Variants in SETD4 observed in about 807,000 individuals in gnomAD.
SETD4 encodes SET domain containing 4.
In SETD4, 46 loss-of-function variants were observed where a neutral mutation model predicts 58.3. The observed-to-expected ratio is 0.79, with a 90% CI of 0.62 to 1.01. The LOEUF (loss-of-function observed/expected upper bound fraction) is 1.01, where lower values mean the gene tolerates loss of function less well. SETD4 is among the 50% of genes least tolerant of loss of function. The pLI is 0.00. For synonymous variants in SETD4, 190 were observed against 202.6 expected (o/e 0.94, Z 0.53); for missense variants, 490 against 523.3 (o/e 0.94, Z 0.62).
intron 3 of SETD4, among the ~76,000 whole-genome samples, chr21:36,056,106 C>T (rs2064969964): frequency 6.6e-6 from 1 of 152,076 alleles, no homozygotes; most frequent in Non-Finnish European, 1.5e-5. Flanking sequence ...TAGAAAATGG[C>T]TCAAATCAAG....
intron 4 of SETD4, among the ~76,000 whole-genome samples, chr21:36,052,592 G>GAAAAAA (rs375733735): frequency 7.2e-6 from 1 of 139,840 alleles, no homozygotes; most frequent in Admixed American, 7.1e-5. Context: ...TTTATCTACT[G>GAAAAAA]AAAAAAAAAA....
intron 6 of SETD4, among the ~76,000 whole-genome samples, chr21:36,045,182 G>T (rs1335545503): frequency 6.6e-6 from 1 of 152,146 alleles, no homozygotes; most frequent in Non-Finnish European, 1.5e-5. Context: ...GTCAGTCAGC[G>T]ATCAGAGCGA....
intron 10 of SETD4, 93 bp downstream of exon 10, chr21:36,038,051 AATGCTC>A: frequency 7.5e-7 from 1 of 1,338,792 alleles, no homozygotes; most frequent in South Asian, 1.5e-5. Flanking sequence ...GGCACTAAAC[AATGCTC>A]TTATGAAATG....
rs188752965 is a variant in SETD4, at chr21:36,048,104, G to A, written c.296+204C>T. 2.4e-3 allele frequency among the ~76,000 whole-genome samples: 359 copies of A among 149,394 alleles called. 3 individuals are homozygous for A. Among genetic ancestry groups the A allele is most frequent in the African/African-American group, 8.6e-3 (346 of 40,298 alleles). ...GGGAAGGAGGGAGGGAGGGAGGGAG[G>A]AAGGCAGGCAGGCAGGCAGGCAGGA... On this transcript the variant is annotated intron_variant, in intron 5 of 11. Transcript: ENST00000332131.
chr21:36,040,518 T>A, intron 9 of SETD4, 57 bp downstream of exon 9: 1 of 1,489,794 alleles, frequency 6.7e-7, no homozygotes. Context: ...AAACCAACCC[T>A]CCAAAGTTAT....
chr21:36,036,147 G>C lies in SETD4; in HGVS notation c.1293C>G (p.Thr431=), dbSNP rs2063769102. ...TAAAAGCTGTTTGCAAACTGTGCAG[G>C]GTCTCGGCAGATGCCCTGAGAATCT... is the stretch of plus-strand genomic sequence containing the variant. ...ELKILRASAE[T]LHSLQTAFT The change falls in exon 11 of 12, where the codon ACC becomes ACG. Residue 431 remains threonine, a synonymous_variant. Transcript: ENST00000332131. 7 of 1,613,996 alleles carry C rather than the reference G, an allele frequency of 4.3e-6. No individual in the cohort carries two copies. Among genetic ancestry groups the C allele is most frequent in the Non-Finnish European group, 5.9e-6 (7 of 1,180,012 alleles).
chr21:36,058,793 TG>T, intron 2 of SETD4, 22 bp downstream of exon 2: 1 of 1,573,686 alleles, frequency 6.4e-7, no homozygotes, highest in African/African-American at 1.4e-5. Context: ...TTTTCATTAC[TG>T]GTACTAAAAG....
chr21:36,042,741 A>C (rs188184706), intron 7 of SETD4: 6 of 152,320 alleles, frequency 3.9e-5, no homozygotes, highest in African/African-American at 1.4e-4. Context: ...TCAGTCTTCT[A>C]TGTACTTTTT....
intron 4 of SETD4, among the ~76,000 whole-genome samples, chr21:36,051,675 C>CT (rs945106212): frequency 1.3e-5 from 2 of 151,506 alleles, no homozygotes; most frequent in Admixed American, 6.6e-5. Context: ...GGAACAAATA[C>CT]TTTTTTTTTC....
In SETD4 at chr21:36,045,631, C is replaced by T. The variant is rs2064284045; in HGVS notation, c.677G>A (p.Cys226Tyr). 3 of 1,614,122 alleles carry T rather than the reference C, an allele frequency of 1.9e-6. No individual in the cohort carries two copies. The African/African-American group carries it at 4.0e-5, about 22-fold the overall frequency. The change falls in exon 6 of 12, where the codon TGT (cysteine) becomes TAT (tyrosine). Residue 226 changes from cysteine (C) to tyrosine (Y), a missense_variant. Cys to Tyr is a radical substitution (Grantham distance 194). Transcript: ENST00000332131. Reference sequence around the variant, plus strand: ...CAGGTCCAGGTACGGAGCGAGTGCACAGGTGTCCGGCTCTGCAGAAAGGCA... The same window carrying T: ...CAGGTCCAGGTACGGAGCGAGTGCATAGGTGTCCGGCTCTGCAGAAAGGCA... The part of the protein sequence containing the change: ...RECLSAEPDT[C>Y]ALAPYLDLLN...
chr21:36,057,041 G>A (rs2065018976), intron 3 of SETD4, 68 bp downstream of exon 3: 4 of 1,243,446 alleles, frequency 3.2e-6, no homozygotes, highest in Non-Finnish European at 4.7e-6. Context: ...CCACCTGCAA[G>A]AGTGGCCCCT....
Position 36,051,873 on chromosome 21 carries a change from G to A in SETD4, c.207+1710C>T, listed in dbSNP as rs140002201. Among the ~76,000 whole-genome samples the A allele has an allele frequency of 2.0e-5, 3 of 152,216 alleles. No individual in the cohort carries two copies. The East Asian group carries it at 5.8e-4, about 29-fold the overall frequency. ...CCTTATTAACTAGCAGCTTTAGTTT[G>A]TAGTTTATGAAATCTTGAGGGGCTC... On this transcript the variant is annotated intron_variant, in intron 4 of 11. Coordinates refer to ENST00000332131, the MANE Select transcript of SETD4 (RefSeq NM_017438.5).
chr21:36,040,802 A>G, intron 8 of SETD4, 147 bp from the exon 9 acceptor site: 1 of 654,540 alleles, frequency 1.5e-6, no homozygotes, highest in Non-Finnish European at 2.7e-6. Context: ...AGAGAAAATC[A>G]GTCTGCAAAT....
At chr21:36,048,821 G>A (rs910840110) in intron 4 of SETD4, among the ~76,000 whole-genome samples, 6 of 150,220 alleles carry the variant, frequency 4.0e-5, no homozygotes, top group Admixed American at 6.7e-5. Flanking sequence ...AGGTTCAAGC[G>A]ATTCTCCTGC....
chr21:36,044,090 G>A lies in SETD4; in HGVS notation c.727-134C>T, dbSNP rs2064190848. 4.6e-6 allele frequency: 5 copies of A among 1,083,272 alleles called. No homozygotes were observed. The East Asian group carries it at 1.3e-4, about 28-fold the overall frequency. 67.1% of individuals were successfully genotyped at this position (1,083,272 alleles called of 1,614,324 possible). Reference sequence around the variant, plus strand: ...CATCAATAAATGTAACTACGCATAGGGAAAATGCCACTTCCGGTTTCATCC... The same window carrying A: ...CATCAATAAATGTAACTACGCATAGAGAAAATGCCACTTCCGGTTTCATCC... On this transcript the variant is annotated intron_variant, in intron 6 of 11. Coordinates refer to ENST00000332131, the MANE Select transcript of SETD4 (RefSeq NM_017438.5).
intron 4 of SETD4, chr21:36,051,177 G>A (rs2123705880): frequency 1.3e-6 from 2 of 1,597,444 alleles, no homozygotes; most frequent in African/African-American, 2.7e-5. Context: ...CCTGCTCTCT[G>A]TGGTGTCCAC....
chr21:36,048,578 G>C (rs533448676), intron 4 of SETD4, among the ~76,000 whole-genome samples, 182 bp from the exon 5 acceptor site: 1 of 152,064 alleles, frequency 6.6e-6, no homozygotes, highest in Non-Finnish European at 1.5e-5. Context: ...AGATGCACAC[G>C]AGGCTGCTCC....
intron 10 of SETD4, among the ~76,000 whole-genome samples, chr21:36,037,734 A>G (rs2063851042): frequency 6.6e-6 from 1 of 150,544 alleles, no homozygotes; most frequent in East Asian, 2.0e-4. Flanking sequence ...CGCAGTGGAC[A>G]CTTGTAATCC....
intron 3 of SETD4, among the ~76,000 whole-genome samples, chr21:36,056,699 C>G (rs763172977): frequency 2.0e-5 from 3 of 152,100 alleles, no homozygotes; most frequent in Non-Finnish European, 4.4e-5. Flanking sequence ...GCTGGGACTA[C>G]AGGGCACACC....
Sources: allele counts gnomAD v4.1 joint callset (sites outside exome capture counted in the v4.1 genomes callset), GRCh38; gene constraint gnomAD v4.1.1; transcripts MANE v1.5; gene names NCBI Gene and HGNC (gene_info 2026-07-23, HGNC 2026-07-21).